The following KCNJ16 variants were observed in gnomAD, a reference collection of about 807,000 sequenced individuals.
KCNJ16 encodes the protein inward rectifier potassium channel 16.
KCNJ16 carries 15 observed loss-of-function variants against 18.5 expected under a neutral mutation model. The observed-to-expected ratio is 0.81, with a 90% CI of 0.54 to 1.25. The LOEUF (loss-of-function observed/expected upper bound fraction) is 1.25. Ranked by LOEUF, KCNJ16 falls within the 50% of genes most tolerant of loss-of-function variation. The pLI, the probability that KCNJ16 is intolerant of heterozygous loss-of-function variation, is 0.00. For missense variants in KCNJ16, 523 were observed against 525.7 expected (o/e 0.99, Z 0.05); for synonymous variants, 174 against 186.5 (o/e 0.93, Z 0.55).
At chr17:70,118,629 T>G (rs368049031) in intron 2 of KCNJ16, among the ~76,000 whole-genome samples, 12 of 150,530 alleles carry the variant, frequency 8.0e-5, no homozygotes, top group East Asian at 3.9e-4. Flanking sequence ...AGGAGGGAGG[T>G]GCCACCATTT....
chr17:70,080,759 T>A (rs914504073), intron 1 of KCNJ16, among the ~76,000 whole-genome samples: 1 of 152,204 alleles, frequency 6.6e-6, no homozygotes, highest in Non-Finnish European at 1.5e-5. Context: ...TCATCTCATG[T>A]GAGGCTGAGC....
chr17:70,086,633 C>T (rs1473011333), intron 1 of KCNJ16, among the ~76,000 whole-genome samples: 1 of 152,094 alleles, frequency 6.6e-6, no homozygotes, highest in Non-Finnish European at 1.5e-5. Flanking sequence ...GGCAGTTTTC[C>T]TATCCAAGAA....
chr17:70,132,688 T>C lies in KCNJ16; in HGVS notation c.601T>C (p.Trp201Arg), dbSNP rs544655039. 109 of 1,614,212 alleles carry C rather than the reference T, an allele frequency of 6.8e-5. 2 individuals are homozygous for C. The South Asian group carries it at 1.2e-3, about 18-fold the overall frequency. ...GAGAGATGGGAAGCTTTGCCTCATG[T>C]GGCGCATTGGTGATTTTCGGCCAAA... ...GMRDGKLCLMWRIGDFRPNHV... is the reference protein window; with the variant it reads ...GMRDGKLCLMRRIGDFRPNHV... Residue 201 changes from tryptophan to arginine, a missense_variant, in exon 4 of 4, where the codon TGG becomes CGG. Trp to Arg is a moderately radical substitution (Grantham distance 101). Transcript: ENST00000392671.
intron 1 of KCNJ16, among the ~76,000 whole-genome samples, chr17:70,092,592 TA>T (rs2072171147): frequency 1.3e-5 from 2 of 151,520 alleles, no homozygotes; most frequent in Non-Finnish European, 2.9e-5. Flanking sequence ...GATAGATAGA[TA>T]GATAGATAGA....
chr17:70,107,606 T>C (rs534170836), intron 2 of KCNJ16, among the ~76,000 whole-genome samples: 2 of 152,134 alleles, frequency 1.3e-5, no homozygotes, highest in East Asian at 3.9e-4. Flanking sequence ...GTCAATGCAA[T>C]GAGCAAAGGC....
At chr17:70,083,319 TAC>T (rs1466078707) in intron 1 of KCNJ16, among the ~76,000 whole-genome samples, 1 of 147,836 alleles carries the variant, frequency 6.8e-6, no homozygotes, top group Non-Finnish European at 1.5e-5. Flanking sequence ...ATTAGATATA[TAC>T]TATATAGACA....
chr17:70,092,083 A>G (rs1371643752), intron 1 of KCNJ16, among the ~76,000 whole-genome samples: 1 of 152,224 alleles, frequency 6.6e-6, no homozygotes, highest in African/African-American at 2.4e-5. Flanking sequence ...CTAAAAGCAC[A>G]TTGGAATGAA....
chr17:70,086,550 T>C (rs2071804224), intron 1 of KCNJ16, among the ~76,000 whole-genome samples: 1 of 152,154 alleles, frequency 6.6e-6, no homozygotes, highest in Non-Finnish European at 1.5e-5. Context: ...TTATTCATCA[T>C]TTTTTTCAAC....
chr17:70,125,828 A>C (rs2073834726), intron 2 of KCNJ16, among the ~76,000 whole-genome samples: 1 of 152,032 alleles, frequency 6.6e-6, no homozygotes. Context: ...GCTACTCGGG[A>C]GGCTGAGGCA....
intron 2 of KCNJ16, among the ~76,000 whole-genome samples, chr17:70,126,798 A>G (rs2073870877): frequency 6.6e-6 from 1 of 152,218 alleles, no homozygotes; most frequent in African/African-American, 2.4e-5. Context: ...TATAATTTAT[A>G]TTGTTTTGGT....
intron 3 of KCNJ16, chr17:70,131,449 G>T (rs1373861569): frequency 1.0e-6 from 1 of 998,616 alleles, no homozygotes; most frequent in Non-Finnish European, 1.2e-6. Context: ...AAAAGCCTCC[G>T]TGGAAGAGAG....
intron 1 of KCNJ16, among the ~76,000 whole-genome samples, chr17:70,092,586 G>A (rs1388033911): frequency 6.6e-6 from 1 of 151,452 alleles, no homozygotes; most frequent in African/African-American, 2.4e-5. Context: ...TAGATAGATA[G>A]ATAGATAGAT....
chr17:70,091,340 A>G (rs1244501623), intron 1 of KCNJ16, among the ~76,000 whole-genome samples: 1 of 152,188 alleles, frequency 6.6e-6, no homozygotes, highest in Non-Finnish European at 1.5e-5. Flanking sequence ...TGCCTTCTAA[A>G]TAGCTTACTA....
intron 2 of KCNJ16, among the ~76,000 whole-genome samples, chr17:70,127,453 G>C (rs1458627033): frequency 2.6e-4 from 2 of 7,756 alleles, no homozygotes; most frequent in African/African-American, 1.7e-3. Context: ...GCAAGAAGTT[G>C]TAAAACAGGT....
At chr17:70,107,170 T>C (rs542009538) in intron 2 of KCNJ16, among the ~76,000 whole-genome samples, 31 of 152,314 alleles carry the variant, frequency 2.0e-4, no homozygotes, top group African/African-American at 7.2e-4. Context: ...AGAGGTAAAA[T>C]AACTGCTCTG....
At position 70,085,494 on chromosome 17, in the gene KCNJ16, C is replaced by T. The variant is rs548544224; in HGVS notation, c.-300+10104C>T. Among the ~76,000 whole-genome samples, 14 of 152,214 alleles carry T rather than the reference C, an allele frequency of 9.2e-5. No individual in the cohort carries two copies. In the South Asian group the frequency reaches 2.9e-3, roughly 32 times the overall value. On this transcript the variant is annotated intron_variant, in intron 1 of 3. Coordinates refer to ENST00000392671, the MANE Select transcript of KCNJ16 (RefSeq NM_170741.4). Reference sequence around the variant, plus strand: ...CCAGTAGTGTATGTCTTCTAAAGAGCCTCAATTCCCCATAAATTCATATCT... The same window carrying T: ...CCAGTAGTGTATGTCTTCTAAAGAGTCTCAATTCCCCATAAATTCATATCT...
chr17:70,128,663 G>A (rs1266931718), intron 2 of KCNJ16: 1 of 152,076 alleles, frequency 6.6e-6, no homozygotes, highest in Non-Finnish European at 1.5e-5. Flanking sequence ...GTTTTCCTTC[G>A]AACTTCATAT....
chr17:70,086,447 G>C (rs886919891), intron 1 of KCNJ16, among the ~76,000 whole-genome samples: 17 of 152,192 alleles, frequency 1.1e-4, no homozygotes, highest in African/African-American at 4.1e-4. Flanking sequence ...AATATGTTCA[G>C]TGTTCTGTGA....
chr17:70,125,231 C>T (rs779892417), intron 2 of KCNJ16, among the ~76,000 whole-genome samples: 15 of 151,438 alleles, frequency 9.9e-5, no homozygotes, highest in East Asian at 1.9e-4. Flanking sequence ...GATCATGCCA[C>T]TGCACTCCAG....
Sources: gnomAD v4.1 joint callset for allele counts (sites outside exome capture counted in the v4.1 genomes callset) on GRCh38, gnomAD v4.1.1 for gene constraint, MANE v1.5 for transcripts, NCBI Gene and HGNC (gene_info 2026-07-23, HGNC 2026-07-21) for gene names.